Variants in SLC35F5 observed in about 807,000 individuals in gnomAD.
SLC35F5 encodes the protein solute carrier family 35 member F5.
A neutral mutation model predicts 68.6 loss-of-function variants in SLC35F5; 54 were observed. The ratio of observed to expected loss-of-function variants is 0.79; its 90% CI spans 0.63 to 0.99. SLC35F5 has a LOEUF of 0.99. Among genes scored for constraint, SLC35F5 ranks in the 50% least tolerant of loss-of-function variants. The probability of loss-of-function intolerance (pLI) is 0.00; values close to 1 mark genes in which losing one functional copy is unlikely to be tolerated. For missense variants in SLC35F5, 567 were observed against 626.9 expected, an observed-to-expected ratio of 0.90 and a Z score of 1.02; for synonymous variants, 211 against 205.2, an observed-to-expected ratio of 1.03 and a Z score of -0.24.
rs376153370 is a variant in SLC35F5, at chr2:113,712,895, C to G, written c.*2323G>C. 26 of 152,282 alleles carry G rather than the reference C, an allele frequency of 1.7e-4. No individual in the cohort carries two copies. The highest frequency in any genetic ancestry group is 5.8e-4 in the African/African-American group (24 of 41,546). The allele number at this position is 152,282 out of a possible 1,614,324, so 9.4% of individuals were successfully genotyped here. ...GACGTCAGCAGTTACTTGAATGTAA[C>G]CCCTTCCCAGCATTTCCAAAGACCT... On this transcript the variant is annotated 3_prime_UTR_variant, in exon 16 of 16. Transcript: ENST00000245680.
At chr2:113,737,309 C>T (rs946390332) in intron 7 of SLC35F5, among the ~76,000 whole-genome samples, 1 of 152,212 alleles carries the variant, frequency 6.6e-6, no homozygotes, top group Non-Finnish European at 1.5e-5. Flanking sequence ...TCAGTCCATA[C>T]TGTACTCAAG....
intron 11 of SLC35F5, among the ~76,000 whole-genome samples, chr2:113,726,925 C>T (rs182210004): frequency 6.6e-6 from 1 of 152,292 alleles, no homozygotes; most frequent in East Asian, 1.9e-4. Context: ...CAAAAAATCA[C>T]CCACACAAAT....
intron 3 of SLC35F5, among the ~76,000 whole-genome samples, chr2:113,753,162 G>GTTTTTTTTTTT (rs143010470): frequency 7.5e-4 from 38 of 50,536 alleles, no homozygotes; most frequent in Non-Finnish European, 1.2e-3. Flanking sequence ...TCCAAAGTTT[G>GTTTTTTTTTTT]TTTTTCTTTT....
downstream of SLC35F5, chr2:113,703,898 C>T (rs1173922336): frequency 2.6e-5 from 4 of 152,388 alleles, no homozygotes; most frequent in Non-Finnish European, 5.9e-5. Context: ...TTCTCGGTCT[C>T]ACTGACTTCC....
At chr2:113,729,952 T>C (rs1309400841) in intron 10 of SLC35F5, among the ~76,000 whole-genome samples, 1 of 152,214 alleles carries the variant, frequency 6.6e-6, no homozygotes, top group East Asian at 1.9e-4. Context: ...TCATTCTTAA[T>C]ATGTATTGCA....
At chr2:113,740,516 T>C (rs1676220132) in intron 7 of SLC35F5, among the ~76,000 whole-genome samples, 1 of 152,238 alleles carries the variant, frequency 6.6e-6, no homozygotes, top group Non-Finnish European at 1.5e-5. Flanking sequence ...TTTTTGAAAT[T>C]ACAATATACA....
At chr2:113,744,523 G>A (rs531836030) in intron 5 of SLC35F5, among the ~76,000 whole-genome samples, 3 of 152,178 alleles carry the variant, frequency 2.0e-5, no homozygotes, top group African/African-American at 4.8e-5. Flanking sequence ...AGGCTGAGGC[G>A]GGCAGATCAC....
intron 15 of SLC35F5, among the ~76,000 whole-genome samples, chr2:113,717,171 G>A (rs1687213881): frequency 2.0e-5 from 3 of 151,800 alleles, no homozygotes; most frequent in African/African-American, 4.8e-5. Flanking sequence ...CTCTATCATC[G>A]AAGACATATA....
At chr2:113,741,176 TC>T in intron 7 of SLC35F5, among the ~76,000 whole-genome samples, 1 of 151,986 alleles carries the variant, frequency 6.6e-6, no homozygotes, top group East Asian at 1.9e-4. Context: ...AATAAACCAG[TC>T]TCAAAAAGAC....
intron 3 of SLC35F5, among the ~76,000 whole-genome samples, chr2:113,753,158 G>GTTTTTTTTTTTTTTTT (rs1264386762): frequency 1.4e-5 from 1 of 69,204 alleles, no homozygotes; most frequent in Non-Finnish European, 3.2e-5. Context: ...TATCTCCAAA[G>GTTTTTTTTTTTTTTTT]TTTGTTTTTC....
intron 11 of SLC35F5, among the ~76,000 whole-genome samples, chr2:113,728,548 GCAA>G (rs2104429465): frequency 6.6e-6 from 1 of 152,316 alleles, no homozygotes; most frequent in Admixed American, 6.5e-5. Context: ...ACCCCTGCAT[GCAA>G]CTGTATTTCC....
intron 11 of SLC35F5, among the ~76,000 whole-genome samples, chr2:113,727,747 C>T (rs1056823825): frequency 1.3e-5 from 2 of 152,092 alleles, no homozygotes; most frequent in Admixed American, 6.6e-5. Flanking sequence ...ATTCTAAAGC[C>T]CAGGGCAGAT....
intron 12 of SLC35F5, among the ~76,000 whole-genome samples, chr2:113,724,821 G>A (rs1173034304): frequency 4.0e-5 from 6 of 151,872 alleles, no homozygotes; most frequent in South Asian, 4.1e-4. Flanking sequence ...GTTTATTATC[G>A]CATATCAGTA....
At position 113,707,224 on chromosome 2, in the gene SLC35F5, G is replaced by A. The variant is rs1195816497; in HGVS notation, c.*7994C>T. Among the ~76,000 whole-genome samples the A allele has an allele frequency of 3.3e-5, 5 of 152,036 alleles. No individual in the cohort carries two copies. The highest frequency in any genetic ancestry group is 1.2e-4 in the African/African-American group (5 of 41,372). ...CCGAAAGTACTCTTTGATTACCTCT[G>A]GCCTTCTGGGTCTGGTAATTAAGTT... is the stretch of plus-strand genomic sequence containing the variant. On this transcript the variant is annotated 3_prime_UTR_variant, in exon 16 of 16. Coordinates refer to ENST00000245680, the MANE Select transcript of SLC35F5 (RefSeq NM_025181.5).
Position 113,750,417 on chromosome 2 carries a change from A to T in SLC35F5, c.417+8T>A. 6.3e-7 allele frequency: 1 copy of T among 1,588,670 alleles called. No individual in the cohort carries two copies. Among genetic ancestry groups the T allele is most frequent in the Non-Finnish European group, 8.6e-7 (1 of 1,168,950 alleles). ...CTTCCTAACAGACAGTTAAAATTAAAAACTTACAAAAGCAGCATGCTTTCC... is the reference window on the plus strand; with the variant it reads ...CTTCCTAACAGACAGTTAAAATTAATAACTTACAAAAGCAGCATGCTTTCC... On this transcript the variant is annotated splice_region_variant and intron_variant, in intron 4 of 15. Coordinates refer to ENST00000245680, the MANE Select transcript of SLC35F5 (RefSeq NM_025181.5).
At chr2:113,717,208 A>G (rs1687215416) in intron 15 of SLC35F5, among the ~76,000 whole-genome samples, 1 of 152,246 alleles carries the variant, frequency 6.6e-6, no homozygotes, top group Admixed American at 6.5e-5. Context: ...AAAATGGAAA[A>G]AATGGAAAAA....
At chr2:113,744,308 T>C (rs569784633) in intron 5 of SLC35F5, among the ~76,000 whole-genome samples, 1 of 152,316 alleles carries the variant, frequency 6.6e-6, no homozygotes, top group African/African-American at 2.4e-5. Flanking sequence ...CTAAATTGTC[T>C]CCTCTTATTA....
chr2:113,746,359 T>C lies in SLC35F5; in HGVS notation c.418-20A>G. 7 of 1,601,400 alleles carry C rather than the reference T, an allele frequency of 4.4e-6. No homozygotes were observed. Among genetic ancestry groups the C allele is most frequent in the South Asian group, 1.1e-5 (1 of 90,824 alleles). Reference sequence around the variant, plus strand: ...TGCAAACTAAATACAGATAACAAGATACAAAATTCAATGAAACTTACATTA... The same window carrying C: ...TGCAAACTAAATACAGATAACAAGACACAAAATTCAATGAAACTTACATTA... On this transcript the variant is annotated intron_variant, in intron 4 of 15. Transcript: ENST00000245680.
chr2:113,749,964 CATCA>C (rs1487118585), intron 4 of SLC35F5, among the ~76,000 whole-genome samples: 2 of 151,978 alleles, frequency 1.3e-5, no homozygotes, highest in African/African-American at 2.4e-5. Context: ...TATTATATTA[CATCA>C]ATCAAAGAAT....
Sources: allele counts gnomAD v4.1 joint callset (sites outside exome capture counted in the v4.1 genomes callset), GRCh38; gene constraint gnomAD v4.1.1; transcripts MANE v1.5; gene names NCBI Gene and HGNC (gene_info 2026-07-23, HGNC 2026-07-21).